Variants in PRKCQ observed in about 807,000 individuals in gnomAD.
PRKCQ encodes protein kinase C theta.
In PRKCQ, 41 loss-of-function variants were observed where a neutral mutation model predicts 91.2. That is an observed-to-expected ratio of 0.45 (90% CI 0.35 to 0.58). PRKCQ has a LOEUF of 0.58. PRKCQ is among the 20% of genes least tolerant of loss of function. The pLI is 0.00. For synonymous variants in PRKCQ, 307 were observed against 316.9 expected (o/e 0.97, Z 0.33); for missense variants, 673 against 896.5 (o/e 0.75, Z 3.18).
At chr10:6,523,458 GATAATA>G (rs1357846426) in intron 1 of PRKCQ, among the ~76,000 whole-genome samples, 1 of 151,822 alleles carries the variant, frequency 6.6e-6, no homozygotes, top group African/African-American at 2.4e-5. Context: ...TCAAAATAAT[GATAATA>G]ATAATAAAGT....
the PRKCQ span, among the ~76,000 whole-genome samples, chr10:6,419,685 CTTTTTT>C: frequency 4.6e-5 from 5 of 107,998 alleles, no homozygotes. Context: ...CTGAAATCTC[CTTTTTT>C]TTTTTTTTTT....
rs115929663 is a variant in PRKCQ, at chr10:6,576,878, C to G, written c.-10+3333G>C. Among the ~76,000 whole-genome samples the G allele has an allele frequency of 9.0e-3, 1,374 of 152,102 alleles. 20 individuals carry two copies. The highest frequency in any genetic ancestry group is 0.03 in the African/African-American group (1,256 of 41,438). ...GCTCTACCCCTTGAGCCTCAGTTTC[C>G]TCATCTGAAAAACTGGAATAATAAT... is the stretch of plus-strand genomic sequence containing the variant. On this transcript the variant is annotated intron_variant, in intron 1 of 17. Transcript: ENST00000263125. This position sits in a 1 kb window ranked among gnomAD's most constrained non-coding sequence, Gnocchi z 4.2.
intron 3 of PRKCQ, 107 bp downstream of exon 3, chr10:6,510,888 C>T: frequency 7.6e-7 from 1 of 1,313,686 alleles, no homozygotes; most frequent in South Asian, 1.3e-5. Context: ...AGCCTGGTGA[C>T]CCGAGGCCAG....
At chr10:6,451,924 T>C (rs1003441505) in intron 15 of PRKCQ, among the ~76,000 whole-genome samples, 5 of 152,140 alleles carry the variant, frequency 3.3e-5, no homozygotes, top group East Asian at 1.9e-4. Flanking sequence ...ATGGGATGTA[T>C]CTCAAAATCA....
At chr10:6,468,472 C>A (rs1835799064) in intron 12 of PRKCQ, among the ~76,000 whole-genome samples, 1 of 152,134 alleles carries the variant, frequency 6.6e-6, no homozygotes, top group African/African-American at 2.4e-5. Context: ...AGGTTTATAG[C>A]ATTAAAGAAA....
intron 14 of PRKCQ, 125 bp downstream of exon 14, chr10:6,462,178 C>G: frequency 1.2e-6 from 1 of 817,566 alleles, no homozygotes; most frequent in Non-Finnish European, 2.0e-6. Context: ...GGGCAGCAGA[C>G]CTATGTGTGG....
At chr10:6,553,813 C>T (rs945378326) in intron 1 of PRKCQ, among the ~76,000 whole-genome samples, 17 of 152,158 alleles carry the variant, frequency 1.1e-4, no homozygotes, top group African/African-American at 4.1e-4. Context: ...AAATGTGTCA[C>T]TAAATTATTT....
At chr10:6,435,629 C>T (rs1426173375) in intron 16 of PRKCQ, among the ~76,000 whole-genome samples, 1 of 152,196 alleles carries the variant, frequency 6.6e-6, no homozygotes, top group Non-Finnish European at 1.5e-5. Context: ...CTTTTGGCTT[C>T]CTTGGGCCGC....
chr10:6,530,673 T>G (rs758643661), intron 1 of PRKCQ, among the ~76,000 whole-genome samples: 3 of 152,198 alleles, frequency 2.0e-5, no homozygotes, highest in African/African-American at 7.2e-5. Flanking sequence ...GCAATGTGAA[T>G]TGCTCACATC....
chr10:6,462,288 C>T lies in PRKCQ; in HGVS notation c.1508+15G>A. ...GCCGATATCTTAGCATTTGTTTCCA[C>T]AAAGCAAAATTTACCTGTAGACTAT... On this transcript the variant is annotated intron_variant, in intron 14 of 17. Coordinates refer to ENST00000263125, the MANE Select transcript of PRKCQ (RefSeq NM_006257.5). 1 of 1,610,138 alleles carries T rather than the reference C, an allele frequency of 6.2e-7. No homozygotes were observed. The highest frequency in any genetic ancestry group is 8.5e-7 in the Non-Finnish European group (1 of 1,177,070).
chr10:6,559,507 C>T (rs1283158996), intron 1 of PRKCQ, among the ~76,000 whole-genome samples: 1 of 152,066 alleles, frequency 6.6e-6, no homozygotes, highest in Non-Finnish European at 1.5e-5. Context: ...TACAGGCATC[C>T]ACCACCACAC....
intron 4 of PRKCQ, 33 bp from the exon 5 acceptor site, chr10:6,498,591 T>A (rs1564354449): frequency 6.2e-7 from 1 of 1,605,514 alleles, no homozygotes; most frequent in Non-Finnish European, 8.5e-7. Flanking sequence ...AAAGTGAAGT[T>A]CTGCAAAAGG....
intron 15 of PRKCQ, among the ~76,000 whole-genome samples, chr10:6,450,158 G>A (rs1834572883): frequency 1.3e-5 from 2 of 149,732 alleles, no homozygotes; most frequent in South Asian, 2.2e-4. Context: ...AAAGAGTCAA[G>A]ACCCATCAGT....
At chr10:6,415,307 C>A in the PRKCQ span, among the ~76,000 whole-genome samples, 2 of 150,856 alleles carry the variant, frequency 1.3e-5, no homozygotes, top group African/African-American at 2.4e-5. Context: ...CTCAATGAAC[C>A]CCAAGCACAA....
chr10:6,517,633 C>A, intron 1 of PRKCQ, among the ~76,000 whole-genome samples: 2 of 107,142 alleles, frequency 1.9e-5, no homozygotes, highest in Admixed American at 1.4e-4. Context: ...ACAACCTTTC[C>A]CAGATTTAGG....
chr10:6,558,119 T>C (rs1045884737), intron 1 of PRKCQ, among the ~76,000 whole-genome samples: 3 of 152,208 alleles, frequency 2.0e-5, no homozygotes, highest in African/African-American at 7.2e-5. Flanking sequence ...CTTTGAAACA[T>C]GAAGCAGATT....
At chr10:6,442,292 T>G (rs1242983756) in intron 15 of PRKCQ, among the ~76,000 whole-genome samples, 1 of 152,188 alleles carries the variant, frequency 6.6e-6, no homozygotes, top group Non-Finnish European at 1.5e-5. Flanking sequence ...AGTAAACACT[T>G]TTCAGTTTCA....
At chr10:6,521,290 T>C (rs1277412392) in intron 1 of PRKCQ, among the ~76,000 whole-genome samples, 2 of 152,212 alleles carry the variant, frequency 1.3e-5, no homozygotes, top group African/African-American at 2.4e-5. Context: ...AATCTCTTCA[T>C]CTCATGCATT....
chr10:6,468,367 G>T (rs1835793495), intron 12 of PRKCQ, among the ~76,000 whole-genome samples: 1 of 152,228 alleles, frequency 6.6e-6, no homozygotes, highest in Non-Finnish European at 1.5e-5. Context: ...GAATGGAAAA[G>T]TGTTTAGTTG....
Sources: allele counts gnomAD v4.1 joint callset (sites outside exome capture counted in the v4.1 genomes callset), GRCh38; gene constraint gnomAD v4.1.1; non-coding constraint Gnocchi (gnomAD v3.1); transcripts MANE v1.5; gene names NCBI Gene and HGNC (gene_info 2026-07-23, HGNC 2026-07-21).